Variants in BCR observed in about 807,000 individuals in gnomAD.
The protein encoded by BCR is BCR activator of RhoGEF and GTPase.
A neutral mutation model predicts 138.6 loss-of-function variants in BCR; 58 were observed. The ratio of observed to expected loss-of-function variants is 0.42; its 90% CI spans 0.34 to 0.52. BCR has a LOEUF of 0.52. Ranked by LOEUF, BCR falls within the 20% of genes least tolerant of loss-of-function variation. The pLI, the probability that BCR is intolerant of heterozygous loss-of-function variation, is 0.06. For synonymous variants in BCR, 786 were observed against 730.1 expected, an observed-to-expected ratio of 1.08 and a Z score of -1.23; for missense variants, 1,599 against 1,727.2, an observed-to-expected ratio of 0.93 and a Z score of 1.32.
intron 1 of BCR, among the ~76,000 whole-genome samples, chr22:23,244,610 G>T (rs1242902632): frequency 1.1e-4 from 17 of 152,154 alleles, no homozygotes; most frequent in Non-Finnish European, 2.5e-4. Flanking sequence ...CATGGATTCC[G>T]CTGGCTCCCA....
chr22:23,181,517 G>A lies in BCR; in HGVS notation c.557G>A (p.Arg186His), dbSNP rs1406064823. ...GTGAACGTCGAGTTTCACCACGAGC[G>A]CGGCCTGGTGAAGGTCAACGACAAA... ...FYVNVEFHHERGLVKVNDKEV... is the reference protein window; with the variant it reads ...FYVNVEFHHEHGLVKVNDKEV... The change falls in exon 1 of 23, where the codon CGC becomes CAC. Residue 186 changes from arginine (R) to histidine (H), a missense_variant. This residue lies in a region of BCR where 806 missense variants were observed against 635.0 expected (regional missense o/e 1.27). Transcript: ENST00000305877. 6.2e-7 allele frequency: 1 copy of A among 1,612,660 alleles called. No homozygotes were observed. Among genetic ancestry groups the A allele is most frequent in the Non-Finnish European group, 8.5e-7 (1 of 1,179,726 alleles).
chr22:23,229,162 ATTGT>A (rs144806220), intron 1 of BCR, among the ~76,000 whole-genome samples: 1 of 152,010 alleles, frequency 6.6e-6, no homozygotes, highest in East Asian at 1.9e-4. Flanking sequence ...CCTCCAGGTA[ATTGT>A]TTATTTTTTG....
chr22:23,283,765 A>T (rs887633577), intron 8 of BCR: 4 of 583,140 alleles, frequency 6.9e-6, no homozygotes, highest in Non-Finnish European at 8.5e-6. Flanking sequence ...TTGAACAAAG[A>T]AGTTACACAT....
chr22:23,234,558 TCCCGCAG>T (rs1213794657), intron 1 of BCR, among the ~76,000 whole-genome samples: 14 of 151,966 alleles, frequency 9.2e-5, no homozygotes, highest in Admixed American at 8.5e-4. Context: ...TGGGAGAGCA[TCCCGCAG>T]CCCAGGAGGG....
intron 4 of BCR, among the ~76,000 whole-genome samples, chr22:23,266,915 G>C (rs2073449425): frequency 6.6e-6 from 1 of 152,078 alleles, no homozygotes; most frequent in South Asian, 2.1e-4. Flanking sequence ...GAGAAGTCTT[G>C]AAAGGAGTCC....
intron 1 of BCR, among the ~76,000 whole-genome samples, chr22:23,234,562 G>A (rs571232663): frequency 1.3e-5 from 2 of 152,252 alleles, no homozygotes; most frequent in East Asian, 1.9e-4. Context: ...AGAGCATCCC[G>A]CAGCCCAGGA....
At chr22:23,202,861 G>GCT (rs796726482) in intron 1 of BCR, among the ~76,000 whole-genome samples, 1 of 149,184 alleles carries the variant, frequency 6.7e-6, no homozygotes, top group African/African-American at 2.5e-5. Flanking sequence ...TTTTTGTGGG[G>GCT]TTTTTTTTTT....
chr22:23,271,412 A>T, intron 5 of BCR, 120 bp from the exon 6 acceptor site: 1 of 998,654 alleles, frequency 1.0e-6, no homozygotes. Flanking sequence ...TTATCAGCTC[A>T]GAATGCACCT....
At chr22:23,232,693 G>A (rs941575045) in intron 1 of BCR, among the ~76,000 whole-genome samples, 6 of 152,212 alleles carry the variant, frequency 3.9e-5, no homozygotes, top group African/African-American at 1.2e-4. Flanking sequence ...TGCTGCACCC[G>A]TGAGCATGGG....
At chr22:23,209,443 G>A (rs2072656074) in intron 1 of BCR, among the ~76,000 whole-genome samples, 1 of 152,302 alleles carries the variant, frequency 6.6e-6, no homozygotes, top group South Asian at 2.1e-4. Context: ...CTCTCTGCCA[G>A]TAGACACTTG....
intron 12 of BCR, among the ~76,000 whole-genome samples, chr22:23,289,181 C>T (rs2073754107): frequency 6.6e-6 from 1 of 152,240 alleles, no homozygotes; most frequent in Non-Finnish European, 1.5e-5. Context: ...AGCCATGCTG[C>T]TGTCTGTATG....
chr22:23,287,439 G>A lies in BCR; in HGVS notation c.2526+161G>A, dbSNP rs149462528. Among the ~76,000 whole-genome samples, 133 of 152,388 alleles carry A rather than the reference G, an allele frequency of 8.7e-4. 2 individuals carry two copies. The highest frequency in any genetic ancestry group is 3.0e-3 in the African/African-American group (125 of 41,600). On this transcript the variant is annotated intron_variant, in intron 11 of 22. Transcript: ENST00000305877. ...CACATTCCTTTGTCTGGGGCTTTGG[G>A]CTGTAGCCCCCAGGTTGAGTGGCAG...
At chr22:23,314,257 CCT>C (rs1409222469) in intron 21 of BCR, among the ~76,000 whole-genome samples, 184 bp downstream of exon 21, 1 of 152,168 alleles carries the variant, frequency 6.6e-6, no homozygotes, top group Non-Finnish European at 1.5e-5. Flanking sequence ...TTGCCACCCT[CCT>C]CTCTCTGCAC....
At position 23,268,648 on chromosome 22, in the gene BCR, C is replaced by T. The variant is rs868757293; in HGVS notation, c.1860+133C>T. The T allele has an allele frequency of 1.3e-4, 111 of 829,012 alleles. No individual in the cohort carries two copies. The Middle Eastern group carries it at 5.8e-3, about 43-fold the overall frequency. The allele number at this position is 829,012 out of a possible 1,614,324, so 51.4% of individuals were successfully genotyped here. ...AGCTGTTTCCAGATTCTGTTGGGTT[C>T]GTTGCGTCAGCCCTGTGCTGGGGAT... On this transcript the variant is annotated intron_variant, in intron 5 of 22. Coordinates refer to ENST00000305877, the MANE Select transcript of BCR (RefSeq NM_004327.4).
intron 21 of BCR, 135 bp downstream of exon 21, chr22:23,314,208 G>A (rs1368793288): frequency 2.2e-5 from 16 of 728,872 alleles, no homozygotes; most frequent in Admixed American, 1.2e-4. Context: ...TGCCTTTGGC[G>A]ACTAGTGCCA....
intron 1 of BCR, among the ~76,000 whole-genome samples, chr22:23,208,175 A>G (rs1181322544): frequency 6.6e-6 from 1 of 152,196 alleles, no homozygotes; most frequent in African/African-American, 2.4e-5. Flanking sequence ...GCAGCTGTTC[A>G]GAAACCTCAA....
chr22:23,208,613 G>A lies in BCR; in HGVS notation c.1279+26374G>A, dbSNP rs80170569. On this transcript the variant is annotated intron_variant, in intron 1 of 22. Coordinates refer to ENST00000305877, the MANE Select transcript of BCR (RefSeq NM_004327.4). ...CATGCCTATAATCCCAGCACTTTGG[G>A]AGTTCGAGGCGGGCAGACCACCTGA... 2.0e-3 allele frequency among the ~76,000 whole-genome samples: 307 copies of A among 151,932 alleles called. 1 individual carries two copies. Among genetic ancestry groups the A allele is most frequent in the African/African-American group, 4.9e-3 (203 of 41,432 alleles).
At chr22:23,198,403 G>A (rs376695588) in intron 1 of BCR, 56 of 443,566 alleles carry the variant, frequency 1.3e-4, no homozygotes, top group African/African-American at 1.1e-3. Context: ...ATGTGTTTGG[G>A]TCTATGGGAA....
chr22:23,269,941 A>C (rs1312233441), intron 5 of BCR, among the ~76,000 whole-genome samples: 2 of 152,130 alleles, frequency 1.3e-5, no homozygotes, highest in African/African-American at 4.8e-5. Flanking sequence ...GCACCAGTGG[A>C]TTCTGAGCCA....
Sources: gnomAD v4.1 joint callset for allele counts (sites outside exome capture counted in the v4.1 genomes callset) on GRCh38, gnomAD v4.1.1 for gene constraint, gnomAD v4.1.1 regional missense constraint, MANE v1.5 for transcripts, NCBI Gene and HGNC (gene_info 2026-07-23, HGNC 2026-07-21) for gene names.